CACNA1H: variants seen among roughly 807,000 people sequenced by gnomAD.
CACNA1H encodes the protein calcium voltage-gated channel subunit alpha1 H.
A neutral mutation model predicts 192.5 loss-of-function variants in CACNA1H; 149 were observed. The observed-to-expected ratio is 0.77, with a 90% confidence interval of 0.68 to 0.89. CACNA1H has a LOEUF of 0.89. CACNA1H is among the 40% of genes least tolerant of loss of function. The pLI is 0.00. For synonymous variants in CACNA1H, 2,202 were observed against 1,475.2 expected (o/e 1.49, Z -11.29); for missense variants, 4,257 against 3,423.5 (o/e 1.24, Z -6.08).
At chr16:1,205,385 C>G in intron 11 of CACNA1H, 120 bp downstream of exon 11, 1 of 1,136,448 alleles carries the variant, frequency 8.8e-7, no homozygotes, top group Non-Finnish European at 1.2e-6. Flanking sequence ...CTCTTTATGA[C>G]AGGCCGTGGG....
rs1172795132 is a variant in CACNA1H, at chr16:1,210,489, G to A, written c.3965G>A (p.Ser1322Asn). ...GAGAGGCCTGACATTGATCCCGGCAGCACCGTGAGTCAGCCAACCCCATCG... is the reference window on the plus strand; with the variant it reads ...GAGAGGCCTGACATTGATCCCGGCAACACCGTGAGTCAGCCAACCCCATCG... The part of the protein sequence containing the change: ...ALERPDIDPG[S>N]TERVFLSVSN... Residue 1322 changes from serine (S) to asparagine (N), a missense_variant, in exon 19 of 35, where the codon AGC becomes AAC. Coordinates refer to ENST00000348261, the MANE Select transcript of CACNA1H (RefSeq NM_021098.3). 1.2e-6 allele frequency: 2 copies of A among 1,611,776 alleles called. No individual in the cohort carries two copies. The highest frequency in any genetic ancestry group is 1.7e-6 in the Non-Finnish European group (2 of 1,179,702).
At chr16:1,195,607 C>T (rs1231656418) in intron 4 of CACNA1H, 42 bp downstream of exon 4, 2 of 1,562,344 alleles carry the variant, frequency 1.3e-6, no homozygotes, top group African/African-American at 2.7e-5. Context: ...GGCGAAGGGG[C>T]CCCGCCCACC....
chr16:1,216,995 C>T lies in CACNA1H; in HGVS notation c.5308C>T (p.Leu1770=). The part of the protein sequence containing the change: ...FFIYAALGVE[L]FGRLECSEDN... ...TATCTATGCTGCGCTGGGAGTGGAG[C>T]TGTTCGGGAGGCTGGGTGAGTGGCT... Residue 1770 remains leucine, a synonymous_variant, in exon 31 of 35, where the codon CTG becomes TTG. Transcript: ENST00000348261. 1 of 1,596,680 alleles carries T rather than the reference C, an allele frequency of 6.3e-7. No individual in the cohort carries two copies. Among genetic ancestry groups the T allele is most frequent in the Non-Finnish European group, 8.5e-7 (1 of 1,171,742 alleles).
chr16:1,192,040 C>T (rs887106658), intron 2 of CACNA1H, among the ~76,000 whole-genome samples: 2 of 152,264 alleles, frequency 1.3e-5, no homozygotes, highest in Non-Finnish European at 2.9e-5. Context: ...CCTTGCCCCT[C>T]TATGGTCTTC....
At chr16:1,161,794 C>T (rs1246458575) in intron 2 of CACNA1H, among the ~76,000 whole-genome samples, 1 of 152,214 alleles carries the variant, frequency 6.6e-6, no homozygotes, top group Non-Finnish European at 1.5e-5. Context: ...CCAGGCCCCA[C>T]GCCAGCCCTG....
intron 21 of CACNA1H, 58 bp downstream of exon 21, chr16:1,211,029 C>T (rs1476330735): frequency 4.5e-6 from 7 of 1,557,340 alleles, no homozygotes; most frequent in African/African-American, 1.3e-5. Flanking sequence ...CCTGACGCCA[C>T]TGCCCATTAC....
At chr16:1,159,299 G>T (rs1962870387) in intron 2 of CACNA1H, among the ~76,000 whole-genome samples, 1 of 152,244 alleles carries the variant, frequency 6.6e-6, no homozygotes, top group Admixed American at 6.5e-5. Flanking sequence ...CATGAGCCCG[G>T]TGGGCACAGG....
intron 2 of CACNA1H, among the ~76,000 whole-genome samples, chr16:1,192,071 C>T (rs528900721): frequency 5.3e-5 from 8 of 152,334 alleles, no homozygotes; most frequent in South Asian, 2.1e-4. Flanking sequence ...GTGATTTTGG[C>T]GGAGGGGGAT....
chr16:1,204,324 G>C lies in CACNA1H; in HGVS notation c.2317G>C (p.Gly773Arg). Residue 773 changes from glycine to arginine, a missense_variant, in exon 10 of 35, where the codon GGC becomes CGC. Gly to Arg is a moderately radical substitution (Grantham distance 125). Transcript: ENST00000348261. Reference protein sequence around the residue: ...AQQRAAPGEPGWMGRLWVTFS... With the variant: ...AQQRAAPGEPRWMGRLWVTFS... ...GCAGAGGGCAGCCCCGGGCGAGCCAGGCTGGATGGGCCGCCTCTGGGTTAC... is the reference window on the plus strand; with the variant it reads ...GCAGAGGGCAGCCCCGGGCGAGCCACGCTGGATGGGCCGCCTCTGGGTTAC... 1.3e-6 allele frequency: 2 copies of C among 1,595,930 alleles called. No homozygotes were observed. Among genetic ancestry groups the C allele is most frequent in the Non-Finnish European group, 1.7e-6 (2 of 1,169,760 alleles).
rs568089982 is a variant in CACNA1H at position 1,219,250 on chromosome 16, C to G, written c.6048+120C>G. On this transcript the variant is annotated intron_variant, in intron 34 of 34. Transcript: ENST00000348261. ...AGGCAGGAGGAGGGTCGCACTGGGT[C>G]CTTGGGGCTCCGAAGGTTTCTGCCT... 3.1e-6 allele frequency: 3 copies of G among 982,600 alleles called. No homozygotes were observed. The East Asian group carries it at 8.1e-5, about 27-fold the overall frequency. The allele number at this position is 982,600 out of a possible 1,614,324, so 60.9% of individuals were successfully genotyped here.
At chr16:1,183,939 G>A (rs1374061613) in intron 2 of CACNA1H, among the ~76,000 whole-genome samples, 1 of 152,242 alleles carries the variant, frequency 6.6e-6, no homozygotes, top group Non-Finnish European at 1.5e-5. Context: ...GTGCCCTGGA[G>A]CCGTGTCCAT....
At position 1,153,965 on chromosome 16, in the gene CACNA1H, G is replaced by A. The variant is rs1385267075; in HGVS notation, c.228G>A (p.Ala76=). The A allele has an allele frequency of 1.4e-6, 2 of 1,449,728 alleles. No individual in the cohort carries two copies. The highest frequency in any genetic ancestry group is 1.8e-6 in the Non-Finnish European group (2 of 1,101,178). The allele number at this position is 1,449,728 out of a possible 1,614,324, so 89.8% of individuals were successfully genotyped here. A position where few individuals can be genotyped will look rare whatever the true frequency, so the allele number is the denominator to read the frequency against. Reference sequence around the variant, plus strand: ...AGCGCGTCCCGTACCCGGCCTTGGCGGCCACGGTCTTCTTCTGCCTCGGTC... The same window carrying A: ...AGCGCGTCCCGTACCCGGCCTTGGCAGCCACGGTCTTCTTCTGCCTCGGTC... The part of the protein sequence containing the change: ...EEQRVPYPAL[A]ATVFFCLGQT... Residue 76 remains alanine (A), a synonymous_variant, in exon 2 of 35, where the codon GCG becomes GCA. Transcript: ENST00000348261.
intron 14 of CACNA1H, 88 bp downstream of exon 14, chr16:1,207,518 G>T (rs991267356): frequency 8.0e-6 from 11 of 1,382,752 alleles, no homozygotes; most frequent in Non-Finnish European, 1.1e-5. Context: ...TGGGGGGCCT[G>T]CCAAGAGGTG....
rs537360942 is a variant in CACNA1H at position 1,199,790 on chromosome 16, C to T, written c.804-466C>T. 3.7e-4 allele frequency among the ~76,000 whole-genome samples: 56 copies of T among 151,820 alleles called. 1 individual carries two copies. In the South Asian group the frequency reaches 7.5e-3, roughly 20 times the overall value. On this transcript the variant is annotated intron_variant, in intron 6 of 34. Transcript: ENST00000348261. ...AGCCCTCACCCCTGGATCCTCTCAG[C>T]CCTCACCCCAGGGCTGCCTCCTTTC...
rs1273353068 is a variant in CACNA1H at position 1,200,778 on chromosome 16, C to T, written c.1182C>T (p.Tyr394=). The change falls in exon 8 of 35, where the codon TAC becomes TAT. Residue 394 remains tyrosine, a synonymous_variant. Transcript: ENST00000348261. ...ACGTCATGGACGCCCACTCATTCTA[C>T]AACTTCATCTATTTCATCCTGCTCA... ...MYYVMDAHSF[Y]NFIYFILLII... The T allele has an allele frequency of 3.9e-6, 6 of 1,553,676 alleles. No homozygotes were observed. Among genetic ancestry groups the T allele is most frequent in the South Asian group, 2.4e-5 (2 of 84,358 alleles).
In CACNA1H at chr16:1,185,310, C is replaced by T. The variant is rs778977560; in HGVS notation, c.300-9662C>T. Among the ~76,000 whole-genome samples the T allele has an allele frequency of 7.2e-5, 11 of 152,212 alleles. 1 individual carries two copies. Among genetic ancestry groups the T allele is most frequent in the Non-Finnish European group, 1.5e-4 (10 of 68,044 alleles). ...CCATCGGGGTCAGTGCCGCTGTGGACACGTGTGGGCCCGTCTGTCGTGAGT... is the reference window on the plus strand; with the variant it reads ...CCATCGGGGTCAGTGCCGCTGTGGATACGTGTGGGCCCGTCTGTCGTGAGT... On this transcript the variant is annotated intron_variant, in intron 2 of 34. Coordinates refer to ENST00000348261, the MANE Select transcript of CACNA1H (RefSeq NM_021098.3).
At chr16:1,195,410 C>T (rs970627854) in intron 3 of CACNA1H, 22 bp from the exon 4 acceptor site, 5 of 1,550,676 alleles carry the variant, frequency 3.2e-6, no homozygotes, top group Admixed American at 2.0e-5. Flanking sequence ...TCCACGGGCC[C>T]TCCTGATGCC....
chr16:1,196,285 GC>G (rs1966962505), intron 5 of CACNA1H, among the ~76,000 whole-genome samples: 1 of 152,278 alleles, frequency 6.6e-6, no homozygotes, highest in South Asian at 2.1e-4. Context: ...AGTGACAGGG[GC>G]CACTCCGAAC....
In CACNA1H at chr16:1,153,455, C is replaced by G. The variant is rs1422840168; in HGVS notation, c.-34C>G. On this transcript the variant is annotated 5_prime_UTR_variant, in exon 1 of 35. Transcript: ENST00000348261. ...CGGGCGATGCCCGCGGGGACGCCGC[C>G]GGCCAGCAGAGCGAGGTGAGACGCG... 5.7e-6 allele frequency: 1 copy of G among 174,288 alleles called. No individual in the cohort carries two copies. The highest frequency in any genetic ancestry group is 1.2e-5 in the Non-Finnish European group (1 of 84,220). 10.8% of individuals were successfully genotyped at this position (174,288 alleles called of 1,614,324 possible).
Sources: allele counts gnomAD v4.1 joint callset (sites outside exome capture counted in the v4.1 genomes callset), GRCh38; gene constraint gnomAD v4.1.1; transcripts MANE v1.5; gene names NCBI Gene and HGNC (gene_info 2026-07-23, HGNC 2026-07-21).